The following PLPPR1 variants were observed in gnomAD, a reference collection of about 807,000 sequenced individuals.
The protein encoded by PLPPR1 is phospholipid phosphatase-related protein type 1.
In PLPPR1, 10 loss-of-function variants were observed where a neutral mutation model predicts 33.1. The ratio of observed to expected loss-of-function variants is 0.30; its 90% CI spans 0.19 to 0.51. The LOEUF is 0.51. Ranked by LOEUF, PLPPR1 falls within the 20% of genes least tolerant of loss-of-function variation. The pLI is 0.97. For missense variants in PLPPR1, 304 were observed against 408.1 expected (o/e 0.74, Z 2.20); for synonymous variants, 151 against 151.0 (o/e 1.00, Z 0.00).
chr9:101,148,468 C>G (rs1831546904), intron 1 of PLPPR1, among the ~76,000 whole-genome samples: 2 of 152,180 alleles, frequency 1.3e-5, no homozygotes, highest in Admixed American at 1.3e-4. Context: ...GGAACTGTTT[C>G]TTCAGCTCTC....
At chr9:101,227,850 C>A (rs1369783536) in intron 2 of PLPPR1, among the ~76,000 whole-genome samples, 2 of 152,164 alleles carry the variant, frequency 1.3e-5, no homozygotes, top group African/African-American at 2.4e-5. Context: ...GATCTCAGCT[C>A]ACTGCAACCT....
At chr9:101,237,833 A>ATGTG (rs1186828465) in intron 2 of PLPPR1, among the ~76,000 whole-genome samples, 2 of 104,070 alleles carry the variant, frequency 1.9e-5, no homozygotes, top group Admixed American at 2.0e-4. Flanking sequence ...ATATATATAT[A>ATGTG]TATGCTATAT....
intron 1 of PLPPR1, among the ~76,000 whole-genome samples, chr9:101,067,637 C>T (rs956757702): frequency 1.3e-5 from 2 of 151,990 alleles, no homozygotes; most frequent in Non-Finnish European, 2.9e-5. Context: ...ATCCACCTTT[C>T]AAAACTTTGT....
intron 1 of PLPPR1, among the ~76,000 whole-genome samples, chr9:101,168,579 C>G (rs751451704): frequency 6.6e-6 from 1 of 152,144 alleles, no homozygotes; most frequent in African/African-American, 2.4e-5. Context: ...TGCATATACT[C>G]TCTTTCTAGG....
intron 1 of PLPPR1, among the ~76,000 whole-genome samples, chr9:101,084,401 G>T (rs1034979160): frequency 1.1e-4 from 17 of 152,144 alleles, no homozygotes; most frequent in Non-Finnish European, 2.4e-4. Context: ...ACATGATGAT[G>T]GTGACAGTGA....
intron 2 of PLPPR1, chr9:101,187,208 C>T (rs1826219611): frequency 6.6e-6 from 1 of 151,838 alleles, no homozygotes. Context: ...GGGAATAAGT[C>T]ATCCATCATC....
intron 1 of PLPPR1, among the ~76,000 whole-genome samples, chr9:101,031,232 T>C (rs189206968): frequency 7.7e-4 from 117 of 152,310 alleles, no homozygotes; most frequent in African/African-American, 2.6e-3. Context: ...TTGCTTTCAC[T>C]AGAGCTCTTT....
intron 1 of PLPPR1, among the ~76,000 whole-genome samples, chr9:101,179,934 C>A (rs779336484): frequency 1.1e-4 from 16 of 151,486 alleles, no homozygotes; most frequent in East Asian, 5.8e-4. Flanking sequence ...AGCTTCCCAA[C>A]CTATATATTT....
At chr9:101,279,608 A>G (rs1828259465) in intron 3 of PLPPR1, among the ~76,000 whole-genome samples, 1 of 152,214 alleles carries the variant, frequency 6.6e-6, no homozygotes, top group African/African-American at 2.4e-5. Context: ...AAAAATAGTC[A>G]TATCAAGTAT....
chr9:101,056,272 G>C (rs868172338), intron 1 of PLPPR1, among the ~76,000 whole-genome samples: 1 of 152,186 alleles, frequency 6.6e-6, no homozygotes, highest in African/African-American at 2.4e-5. Flanking sequence ...CTCTAGTCTA[G>C]AGATGAAGTT....
chr9:101,188,497 G>A (rs1826242320), intron 2 of PLPPR1, among the ~76,000 whole-genome samples: 1 of 151,090 alleles, frequency 6.6e-6, no homozygotes, highest in Non-Finnish European at 1.5e-5. Context: ...TTACTTTTTT[G>A]CCTTGTCTTA....
At chr9:101,237,867 T>TACATATATATATATATATATATATATAC (rs1827343707) in intron 2 of PLPPR1, among the ~76,000 whole-genome samples, 1 of 136,070 alleles carries the variant, frequency 7.3e-6, no homozygotes, top group African/African-American at 2.8e-5. Context: ...TATATATATA[T>TACATATATATATATATATATATATATAC]ACACACACAT....
At chr9:101,205,193 G>A (rs559347427) in intron 2 of PLPPR1, among the ~76,000 whole-genome samples, 3 of 152,212 alleles carry the variant, frequency 2.0e-5, no homozygotes, top group African/African-American at 7.2e-5. Context: ...TAAAACTTCA[G>A]TATGCATGAG....
intron 2 of PLPPR1, among the ~76,000 whole-genome samples, chr9:101,245,970 G>C (rs913162985): frequency 1.8e-4 from 27 of 149,710 alleles, no homozygotes; most frequent in Admixed American, 1.3e-3. Context: ...GGTTGTATTT[G>C]GTTATTTGAA....
intron 1 of PLPPR1, chr9:101,125,804 A>C (rs1831239648): frequency 1.3e-6 from 1 of 798,746 alleles, no homozygotes; most frequent in Non-Finnish European, 1.9e-6. Flanking sequence ...CATTGTCTTA[A>C]AACTCTGTTG....
intron 2 of PLPPR1, among the ~76,000 whole-genome samples, chr9:101,268,832 A>G (rs1828045044): frequency 6.6e-6 from 1 of 152,208 alleles, no homozygotes; most frequent in South Asian, 2.1e-4. Flanking sequence ...ATTTAAAAAT[A>G]TATTTTCTTC....
At chr9:101,179,342 G>A (rs553692295) in intron 1 of PLPPR1, among the ~76,000 whole-genome samples, 164 of 152,256 alleles carry the variant, frequency 1.1e-3, no homozygotes, top group African/African-American at 3.8e-3. Flanking sequence ...AATATAGAAT[G>A]GGTAGTAGAA....
intron 1 of PLPPR1, among the ~76,000 whole-genome samples, chr9:101,057,497 C>T (rs1316511007): frequency 6.6e-6 from 1 of 151,746 alleles, no homozygotes; most frequent in East Asian, 1.9e-4. Context: ...TATTAATGGG[C>T]ATTGTGGAAA....
chr9:101,268,892 TTAATTTTTGGA>T (rs1260136315), intron 2 of PLPPR1, among the ~76,000 whole-genome samples: 1 of 152,224 alleles, frequency 6.6e-6, no homozygotes, highest in African/African-American at 2.4e-5. Context: ...CATGTTTAGT[TTAATTTTTGGA>T]TAATCAGGCA....
Sources: gnomAD v4.1 joint callset for allele counts (sites outside exome capture counted in the v4.1 genomes callset) on GRCh38, gnomAD v4.1.1 for gene constraint, MANE v1.5 for transcripts, NCBI Gene and HGNC (gene_info 2026-07-23, HGNC 2026-07-21) for gene names.